ACKR3: variants seen among roughly 807,000 people sequenced by gnomAD.
The protein encoded by ACKR3 is atypical chemokine receptor 3.
Under a neutral mutation model 22.4 loss-of-function variants are expected in ACKR3, and 6 were observed. The ratio of observed to expected loss-of-function variants is 0.27; its 90% CI spans 0.15 to 0.53. The LOEUF is 0.53. ACKR3 is among the 20% of genes least tolerant of loss of function. The pLI is 0.96. For synonymous variants in ACKR3, 209 were observed against 205.2 expected (o/e 1.02, Z -0.16); for missense variants, 396 against 475.2 (o/e 0.83, Z 1.55).
upstream of ACKR3, among the ~76,000 whole-genome samples, chr2:236,568,678 T>G (rs925758427): frequency 6.6e-6 from 1 of 152,222 alleles, no homozygotes; most frequent in Non-Finnish European, 1.5e-5. Flanking sequence ...AATATTTCTT[T>G]CGTTAAGGGC....
the ACKR3 span, among the ~76,000 whole-genome samples, chr2:236,541,765 G>A: frequency 6.6e-6 from 1 of 152,180 alleles, no homozygotes; most frequent in Non-Finnish European, 1.5e-5. Context: ...TATGGTGGTA[G>A]TTTACTCCAT....
upstream of ACKR3, among the ~76,000 whole-genome samples, chr2:236,566,923 A>C (rs181382283): frequency 0.016 from 2,015 of 124,980 alleles, 54 homozygotes; most frequent in Middle Eastern, 0.14. Context: ...TCTTTCCCCA[A>C]GGAGGATTTG....
At chr2:236,569,249 C>G (rs1182330853), upstream of ACKR3, among the ~76,000 whole-genome samples, 1 of 152,140 alleles carries the variant, frequency 6.6e-6, no homozygotes, top group Admixed American at 6.5e-5. Flanking sequence ...TAAAAGTATT[C>G]AAGTATAATC....
the ACKR3 span, among the ~76,000 whole-genome samples, chr2:236,554,932 A>T: frequency 6.6e-6 from 1 of 152,242 alleles, no homozygotes; most frequent in African/African-American, 2.4e-5. Context: ...GTCGATAAGC[A>T]TCAGAGTAGG....
the ACKR3 span, among the ~76,000 whole-genome samples, chr2:236,550,328 C>T: frequency 8.5e-5 from 13 of 152,206 alleles, no homozygotes; most frequent in South Asian, 2.1e-4. This position sits in a 1 kb window ranked among gnomAD's most constrained non-coding sequence, Gnocchi z 4.6. Flanking sequence ...GCAGGGTACC[C>T]GGCTGCGCAC....
At chr2:236,547,526 C>T in the ACKR3 span, among the ~76,000 whole-genome samples, 1 of 152,118 alleles carries the variant, frequency 6.6e-6, no homozygotes, top group African/African-American at 2.4e-5. Context: ...TTCCTGAGAC[C>T]ATTTTATTCC....
the ACKR3 span, among the ~76,000 whole-genome samples, chr2:236,542,340 C>T: frequency 6.6e-6 from 1 of 152,178 alleles, no homozygotes; most frequent in South Asian, 2.1e-4. Context: ...TAAACACCAG[C>T]ACATCACTGG....
the ACKR3 span, among the ~76,000 whole-genome samples, chr2:236,544,278 G>C: frequency 0.012 from 1,875 of 152,052 alleles, 23 homozygotes; most frequent in African/African-American, 0.035. This position sits in a 1 kb window ranked among gnomAD's most constrained non-coding sequence, Gnocchi z 5.0. Context: ...GTGAGCCACC[G>C]CGCCCGGAGG....
At chr2:236,558,250 A>C in the ACKR3 span, among the ~76,000 whole-genome samples, 1 of 152,112 alleles carries the variant, frequency 6.6e-6, no homozygotes, top group Non-Finnish European at 1.5e-5. Context: ...GTAGTAGCCT[A>C]TGGGCCGCTG....
chr2:236,554,473 C>T, the ACKR3 span, among the ~76,000 whole-genome samples: 1 of 152,144 alleles, frequency 6.6e-6, no homozygotes, highest in African/African-American at 2.4e-5. Flanking sequence ...ATGGGATTAG[C>T]AGACATAGGA....
At chr2:236,544,181 G>A in the ACKR3 span, among the ~76,000 whole-genome samples, 1 of 151,000 alleles carries the variant, frequency 6.6e-6, no homozygotes, top group African/African-American at 2.4e-5. This position sits in a 1 kb window ranked among gnomAD's most constrained non-coding sequence, Gnocchi z 5.0. Flanking sequence ...GTAGAGATGG[G>A]GTTTCACCAT....
At chr2:236,544,657 G>A in the ACKR3 span, among the ~76,000 whole-genome samples, 4 of 152,146 alleles carry the variant, frequency 2.6e-5, no homozygotes, top group South Asian at 2.1e-4. This position sits in a 1 kb window ranked among gnomAD's most constrained non-coding sequence, Gnocchi z 5.0. Flanking sequence ...GAATGAAGAC[G>A]GTCCCCGGGA....
chr2:236,546,264 G>A, the ACKR3 span, among the ~76,000 whole-genome samples: 1 of 152,160 alleles, frequency 6.6e-6, no homozygotes, highest in South Asian at 2.1e-4. This position sits in a 1 kb window ranked among gnomAD's most constrained non-coding sequence, Gnocchi z 4.9. Context: ...TGGGGGAAAA[G>A]GACCTCTTTG....
the ACKR3 span, among the ~76,000 whole-genome samples, chr2:236,545,850 G>T: frequency 1.3e-5 from 2 of 152,146 alleles, no homozygotes; most frequent in Non-Finnish European, 1.5e-5. The surrounding 1 kb of genome is among the most constrained non-coding windows in gnomAD (Gnocchi z 5.3). Flanking sequence ...TATTTGCCTG[G>T]TTTAGTGTAT....
the ACKR3 span, among the ~76,000 whole-genome samples, chr2:236,560,608 A>G: frequency 6.6e-6 from 1 of 152,106 alleles, no homozygotes; most frequent in Non-Finnish European, 1.5e-5. Flanking sequence ...TGGTTTGCAC[A>G]TATTTCCCCC....
chr2:236,562,064 G>A, the ACKR3 span, among the ~76,000 whole-genome samples: 1 of 152,328 alleles, frequency 6.6e-6, no homozygotes, highest in South Asian at 2.1e-4. Context: ...TAGAAGTGAA[G>A]TGTTCAACCA....
chr2:236,552,129 ACC>A, the ACKR3 span, among the ~76,000 whole-genome samples: 1 of 152,168 alleles, frequency 6.6e-6, no homozygotes, highest in Non-Finnish European at 1.5e-5. Context: ...TGTAAGGAAG[ACC>A]CAGGGGATTT....
At chr2:236,576,099 C>T (rs1559472478) in intron 1 of ACKR3, among the ~76,000 whole-genome samples, 1 of 152,180 alleles carries the variant, frequency 6.6e-6, no homozygotes, top group Non-Finnish European at 1.5e-5. Context: ...CCTAGAGACG[C>T]AGGCAGTGGG....
the ACKR3 span, among the ~76,000 whole-genome samples, chr2:236,538,563 C>T: frequency 1.3e-5 from 2 of 152,114 alleles, no homozygotes. Context: ...GGCTGCAGTT[C>T]TAAGGTGGAC....
Sources: gnomAD v4.1 joint callset for allele counts (sites outside exome capture counted in the v4.1 genomes callset) on GRCh38, gnomAD v4.1.1 for gene constraint, Gnocchi (gnomAD v3.1) non-coding constraint, MANE v1.5 for transcripts, NCBI Gene and HGNC (gene_info 2026-07-23, HGNC 2026-07-21) for gene names.